DAGLB: variants seen among roughly 807,000 people sequenced by gnomAD.
The protein encoded by DAGLB is diacylglycerol lipase beta.
In DAGLB, 66 loss-of-function variants were observed where a neutral mutation model predicts 72.1. That is an observed-to-expected ratio of 0.92 (90% CI 0.75 to 1.12). The LOEUF is 1.12. Among genes scored for constraint, DAGLB ranks in the 50% most tolerant of loss-of-function variants. The pLI is 0.00. For synonymous variants in DAGLB, 414 were observed against 359.5 expected (o/e 1.15, Z -1.71); for missense variants, 1,065 against 884.9 (o/e 1.20, Z -2.58).
At chr7:6,447,236 T>C (rs1785035949) in intron 1 of DAGLB, among the ~76,000 whole-genome samples, 1 of 152,164 alleles carries the variant, frequency 6.6e-6, no homozygotes, top group South Asian at 2.1e-4. Flanking sequence ...TTCCACACTT[T>C]GAAAGACAAC....
chr7:6,432,946 A>G lies in DAGLB; in HGVS notation c.692T>C (p.Val231Ala), dbSNP rs199661837. 308 of 1,613,788 alleles carry G rather than the reference A, an allele frequency of 1.9e-4. 2 individuals are homozygous for G. The highest frequency in any genetic ancestry group is 1.4e-3 in the Admixed American group (83 of 59,988). Residue 231 changes from valine (V) to alanine (A), a missense_variant, in exon 5 of 15, where the codon GTG becomes GCG. Coordinates refer to ENST00000297056, the MANE Select transcript of DAGLB (RefSeq NM_139179.4). ...GAGGCCCGCCGCAATGTCGCTGGGC[A>G]CCAGATCTGTGTCCTGGGTGGGAAA... ...FSTYFSDTDLVPSDIAAGLAL... is the reference protein window; with the variant it reads ...FSTYFSDTDLAPSDIAAGLAL...
chr7:6,440,961 G>GT (rs111256763), intron 2 of DAGLB, among the ~76,000 whole-genome samples: 3,006 of 146,566 alleles, frequency 0.021, 48 homozygotes, highest in Non-Finnish European at 0.03. Flanking sequence ...TTTTTTCTTT[G>GT]TTTTTTTTTT....
chr7:6,447,636 G>A, intron 1 of DAGLB, 112 bp downstream of exon 1: 3 of 1,406,240 alleles, frequency 2.1e-6, no homozygotes, highest in East Asian at 2.6e-5. Context: ...CGTGGCCAGC[G>A]CTGGGACCGC....
At chr7:6,432,659 TA>T (rs777686699) in intron 5 of DAGLB, among the ~76,000 whole-genome samples, 177 bp downstream of exon 5, 54 of 41,368 alleles carry the variant, frequency 1.3e-3, no homozygotes, top group African/African-American at 1.9e-3. Flanking sequence ...GACTCCGTCT[TA>T]AAAAAAAAAA....
At chr7:6,437,023 G>A (rs1011179996) in intron 2 of DAGLB, among the ~76,000 whole-genome samples, 8 of 151,686 alleles carry the variant, frequency 5.3e-5, no homozygotes, top group African/African-American at 1.5e-4. Flanking sequence ...GGTGGCGGGC[G>A]TCTGTAATCC....
intron 1 of DAGLB, among the ~76,000 whole-genome samples, chr7:6,446,724 C>A (rs1442293813): frequency 6.6e-6 from 1 of 151,180 alleles, no homozygotes; most frequent in Admixed American, 6.6e-5. Context: ...AATAAAAGAT[C>A]TAGGCCCGGC....
At chr7:6,414,887 G>C (rs571794042) in intron 11 of DAGLB, among the ~76,000 whole-genome samples, 2 of 152,210 alleles carry the variant, frequency 1.3e-5, no homozygotes, top group East Asian at 1.9e-4. Flanking sequence ...AAGAAAATGA[G>C]GCCAGGCACA....
At chr7:6,446,300 C>T (rs1364988616) in intron 1 of DAGLB, among the ~76,000 whole-genome samples, 196 bp from the exon 2 acceptor site, 1 of 112,302 alleles carries the variant, frequency 8.9e-6, no homozygotes, top group African/African-American at 3.7e-5. Context: ...AACCCTGTCT[C>T]TACGAAAAAT....
At chr7:6,446,312 CAAAAAAAA>C (rs11315985) in intron 1 of DAGLB, among the ~76,000 whole-genome samples, 1 of 123,406 alleles carries the variant, frequency 8.1e-6, no homozygotes, top group Admixed American at 8.5e-5. Flanking sequence ...ACGAAAAATA[CAAAAAAAA>C]AAAAAAAAAT....
At position 6,426,204 on chromosome 7, in the gene DAGLB, A is replaced by AG. The variant is rs1784306260; in HGVS notation, c.930-91dup. On this transcript the variant is annotated intron_variant, in intron 6 of 14. Coordinates refer to ENST00000297056, the MANE Select transcript of DAGLB (RefSeq NM_139179.4). The stretch of plus-strand genomic sequence containing the variant: ...ACTGCCACATGTTCCCAGAGACGCG[A>AG]GGACCAGAGCGGACAATTCTCAGGA... 1.1e-5 allele frequency: 18 copies of AG among 1,576,878 alleles called. No homozygotes were observed. In the East Asian group the frequency reaches 3.9e-4, roughly 34 times the overall value.
intron 11 of DAGLB, chr7:6,416,425 C>T: frequency 1.6e-6 from 1 of 620,686 alleles, no homozygotes; most frequent in Non-Finnish European, 2.5e-6. Context: ...TGTCTGTAGT[C>T]CCAGCAACTC....
chr7:6,424,685 C>T lies in DAGLB; in HGVS notation c.1140+67G>A. ...TGCGGTTACTGACGGATTTCCCCAG[C>T]CGAGCAGCTGTGGGCTCCCGCTCCC... On this transcript the variant is annotated intron_variant, in intron 8 of 14. Transcript: ENST00000297056. The T allele has an allele frequency of 3.4e-6, 5 of 1,487,812 alleles. No individual in the cohort carries two copies. In the South Asian group the frequency reaches 3.4e-5, roughly 10 times the overall value. The allele number at this position is 1,487,812 out of a possible 1,614,324, so 92.2% of individuals were successfully genotyped here.
At chr7:6,444,075 T>A (rs1432069754) in intron 2 of DAGLB, among the ~76,000 whole-genome samples, 3 of 152,040 alleles carry the variant, frequency 2.0e-5, no homozygotes, top group Non-Finnish European at 2.9e-5. Context: ...AAGATCAGTC[T>A]AAGCTATATA....
intron 8 of DAGLB, chr7:6,422,012 G>C (rs1347116170): frequency 1.5e-6 from 1 of 669,382 alleles, no homozygotes; most frequent in East Asian, 2.9e-5. Context: ...CTCTGGGCCA[G>C]GCGTGAAGGG....
chr7:6,411,899 T>C (rs943470452), intron 13 of DAGLB, among the ~76,000 whole-genome samples: 3 of 152,180 alleles, frequency 2.0e-5, no homozygotes, highest in Admixed American at 1.3e-4. Flanking sequence ...AACTTTTCAA[T>C]GGATATCTAT....
At position 6,447,206 on chromosome 7, in the gene DAGLB, C is replaced by T. The variant is rs895648136; in HGVS notation, c.95+542G>A. ...ATCCTCTGGGAACAGACTTCAGGTA[C>T]CAATGCCACTTCCCACTGATTCCAC... On this transcript the variant is annotated intron_variant, in intron 1 of 14. Coordinates refer to ENST00000297056, the MANE Select transcript of DAGLB (RefSeq NM_139179.4). Among the ~76,000 whole-genome samples, 13 of 152,298 alleles carry T rather than the reference C, an allele frequency of 8.5e-5. No individual in the cohort carries two copies. In the South Asian group the frequency reaches 1.0e-3, roughly 12 times the overall value.
chr7:6,415,353 G>A (rs836503), intron 11 of DAGLB, among the ~76,000 whole-genome samples: 88,404 of 151,780 alleles, frequency 0.58, 28,692 homozygotes, highest in African/African-American at 0.87. Flanking sequence ...GAAACCAAGT[G>A]TGCGAAGAAA....
At chr7:6,436,569 T>C (rs1284318161) in intron 2 of DAGLB, 36 bp from the exon 3 acceptor site, 1 of 1,613,320 alleles carries the variant, frequency 6.2e-7, no homozygotes, top group Non-Finnish European at 8.5e-7. Context: ...GCTCAGTTGC[T>C]TCCTCAGAGA....
intron 2 of DAGLB, among the ~76,000 whole-genome samples, chr7:6,444,731 T>C (rs1784940558): frequency 6.6e-6 from 1 of 152,112 alleles, no homozygotes; most frequent in Non-Finnish European, 1.5e-5. Context: ...TCAACATCAT[T>C]AGTCACCAAA....
Sources: gnomAD v4.1 joint callset for allele counts (sites outside exome capture counted in the v4.1 genomes callset) on GRCh38, gnomAD v4.1.1 for gene constraint, MANE v1.5 for transcripts, NCBI Gene and HGNC (gene_info 2026-07-23, HGNC 2026-07-21) for gene names.